The following FSIP1 variants were observed in gnomAD, a reference collection of about 807,000 sequenced individuals.
The protein encoded by FSIP1 is fibrous sheath-interacting protein 1.
Under a neutral mutation model 60.9 loss-of-function variants are expected in FSIP1, and 65 were observed. The observed-to-expected ratio is 1.07, with a 90% confidence interval of 0.87 to 1.31. The LOEUF (loss-of-function observed/expected upper bound fraction) is 1.31. FSIP1 is among the 40% of genes most tolerant of loss of function. The pLI, the probability that FSIP1 is intolerant of heterozygous loss-of-function variation, is 0.00. For missense variants in FSIP1, 675 were observed against 665.5 expected, an observed-to-expected ratio of 1.01 and a Z score of -0.16; for synonymous variants, 209 against 221.2, an observed-to-expected ratio of 0.94 and a Z score of 0.49.
intron 5 of FSIP1, chr15:39,747,504 T>C (rs1312805798): frequency 2.6e-5 from 4 of 152,280 alleles, no homozygotes; most frequent in East Asian, 1.9e-4. Context: ...GGATTGTACA[T>C]TGTGACTCAT....
In FSIP1 at chr15:39,610,792, C is replaced by T. The variant is rs188619155; in HGVS notation, c.1699+6943G>A. Among the ~76,000 whole-genome samples the T allele has an allele frequency of 5.3e-3, 804 of 152,212 alleles. 5 individuals carry two copies. Among genetic ancestry groups the T allele is most frequent in the Non-Finnish European group, 9.0e-3 (610 of 68,016 alleles). The stretch of plus-strand genomic sequence containing the variant: ...AACCAGCAGATTTCTCAGCAGAATC[C>T]CTGCAAGCCATAAAAGGGTGGGATA... On this transcript the variant is annotated intron_variant, in intron 11 of 11. Transcript: ENST00000350221.
chr15:39,656,359 C>A (rs1043463241), intron 10 of FSIP1, among the ~76,000 whole-genome samples: 1 of 152,186 alleles, frequency 6.6e-6, no homozygotes, highest in African/African-American at 2.4e-5. Flanking sequence ...ACCTATAGCG[C>A]CAATGAAAGT....
At chr15:39,640,647 C>T (rs1304799142) in intron 10 of FSIP1, among the ~76,000 whole-genome samples, 2 of 151,096 alleles carry the variant, frequency 1.3e-5, no homozygotes, top group Admixed American at 6.6e-5. Context: ...ATGAATAATT[C>T]GCGAATTGGG....
intron 1 of FSIP1, among the ~76,000 whole-genome samples, chr15:39,779,269 C>T (rs1372774087): frequency 6.6e-6 from 1 of 151,990 alleles, no homozygotes; most frequent in Non-Finnish European, 1.5e-5. Flanking sequence ...TTTAAAAAGT[C>T]CAACTTCTCT....
Position 39,739,763 on chromosome 15 carries a change from C to A in FSIP1, c.682G>T (p.Glu228Ter). ...KDFTCDVERN[E>*]SLIKSGKKPF... ...TTCTTTCCTGATTTGATCAATGACT[C>A]ATTTCTTTCCACATCACAGGTAAAA... The change falls in exon 7 of 12, where the codon GAG (glutamate) becomes TAG (stop). Residue 228 changes from glutamate (E) to a stop codon, truncating the protein, a stop_gained. Coordinates refer to ENST00000350221, the MANE Select transcript of FSIP1 (RefSeq NM_152597.5). LOFTEE classifies it high-confidence loss of function. 1 of 1,576,124 alleles carries A rather than the reference C, an allele frequency of 6.3e-7. No homozygotes were observed. Among genetic ancestry groups the A allele is most frequent in the East Asian group, 2.3e-5 (1 of 43,640 alleles).
chr15:39,752,801 A>G (rs927052694), intron 5 of FSIP1, among the ~76,000 whole-genome samples: 14 of 152,080 alleles, frequency 9.2e-5, no homozygotes, highest in African/African-American at 3.4e-4. Context: ...ATATTGGTTC[A>G]CTAGTTGAAA....
intron 5 of FSIP1, among the ~76,000 whole-genome samples, chr15:39,749,650 G>T (rs1897107120): frequency 6.6e-6 from 1 of 151,924 alleles, no homozygotes; most frequent in African/African-American, 2.4e-5. Flanking sequence ...CAAGAGTTTA[G>T]GTATAGAAGA....
chr15:39,701,345 A>G (rs1271371898), intron 10 of FSIP1, among the ~76,000 whole-genome samples: 1 of 152,190 alleles, frequency 6.6e-6, no homozygotes, highest in Non-Finnish European at 1.5e-5. Context: ...ATTGGCAAAA[A>G]AATAATATTC....
intron 5 of FSIP1, among the ~76,000 whole-genome samples, chr15:39,758,527 G>T (rs1897375367): frequency 6.6e-6 from 1 of 151,646 alleles, no homozygotes; most frequent in African/African-American, 2.4e-5. Context: ...GGGAATAAGG[G>T]GTATAGTCTC....
intron 1 of FSIP1, among the ~76,000 whole-genome samples, chr15:39,779,237 T>C (rs1898165993): frequency 6.6e-6 from 1 of 151,188 alleles, no homozygotes; most frequent in South Asian, 2.1e-4. Context: ...GAGAAAGACA[T>C]ACAAGTTGCC....
At chr15:39,678,090 A>T (rs1175651174) in intron 10 of FSIP1, among the ~76,000 whole-genome samples, 1 of 152,144 alleles carries the variant, frequency 6.6e-6, no homozygotes, top group Non-Finnish European at 1.5e-5. Context: ...ATACATATAT[A>T]CACCTAGATT....
At chr15:39,733,234 T>C (rs1323389008) in intron 8 of FSIP1, among the ~76,000 whole-genome samples, 2 of 152,178 alleles carry the variant, frequency 1.3e-5, no homozygotes, top group African/African-American at 4.8e-5. Context: ...TTTCGCCATA[T>C]TGGCCAGGGT....
chr15:39,638,425 C>G (rs560936304), intron 10 of FSIP1, among the ~76,000 whole-genome samples: 1 of 152,260 alleles, frequency 6.6e-6, no homozygotes, highest in African/African-American at 2.4e-5. Context: ...TTAGTGAGTA[C>G]TCAGTGATTT....
chr15:39,694,857 T>C (rs1329414372), intron 10 of FSIP1, among the ~76,000 whole-genome samples: 1 of 152,038 alleles, frequency 6.6e-6, no homozygotes. Context: ...GACTCATTTT[T>C]AAAGGCATTT....
chr15:39,692,030 C>T (rs2140506108), intron 10 of FSIP1, among the ~76,000 whole-genome samples: 1 of 150,876 alleles, frequency 6.6e-6, no homozygotes, highest in African/African-American at 2.4e-5. Flanking sequence ...TCTTTAAGTG[C>T]TGCAAAAGGA....
At chr15:39,648,156 C>A in intron 10 of FSIP1, among the ~76,000 whole-genome samples, 2 of 85,720 alleles carry the variant, frequency 2.3e-5, no homozygotes, top group Admixed American at 1.3e-4. Flanking sequence ...TACCCTAAAA[C>A]TTAAAGTATA....
chr15:39,700,158 CCCAAGCTTT>C (rs1294409205), intron 10 of FSIP1, among the ~76,000 whole-genome samples: 1 of 152,198 alleles, frequency 6.6e-6, no homozygotes, highest in Non-Finnish European at 1.5e-5. Flanking sequence ...CCTGTAATGG[CCCAAGCTTT>C]CCAAAAGCTG....
At position 39,620,892 on chromosome 15, in the gene FSIP1, C is replaced by A. The variant is rs924708290; in HGVS notation, c.1189-2647G>T. Among the ~76,000 whole-genome samples the A allele has an allele frequency of 9.3e-5, 14 of 151,254 alleles. No individual in the cohort carries two copies. In the South Asian group the frequency reaches 2.7e-3, roughly 29 times the overall value. On this transcript the variant is annotated intron_variant, in intron 10 of 11. Transcript: ENST00000350221. ...AATTGTTAAGATTACAGGCGTGAGCCACCATGCCCAGCCCAAATTTTTTAA... is the reference window on the plus strand; with the variant it reads ...AATTGTTAAGATTACAGGCGTGAGCAACCATGCCCAGCCCAAATTTTTTAA...
chr15:39,775,171 A>G (rs1898012161), intron 2 of FSIP1, among the ~76,000 whole-genome samples: 1 of 152,110 alleles, frequency 6.6e-6, no homozygotes, highest in East Asian at 1.9e-4. Flanking sequence ...ATGTGCCACC[A>G]TGTCCTGCTA....
Sources: allele counts gnomAD v4.1 joint callset (sites outside exome capture counted in the v4.1 genomes callset), GRCh38; gene constraint gnomAD v4.1.1; transcripts MANE v1.5; gene names NCBI Gene and HGNC (gene_info 2026-07-23, HGNC 2026-07-21).